The following KISS1R variants were observed in gnomAD, a reference collection of about 807,000 sequenced individuals.
KISS1R encodes the protein KISS1 receptor, also known as kiSS-1 receptor.
Under a neutral mutation model 22.0 loss-of-function variants are expected in KISS1R, and 19 were observed. The ratio of observed to expected loss-of-function variants is 0.86; its 90% CI spans 0.60 to 1.26. KISS1R has a LOEUF of 1.26. Among genes scored for constraint, KISS1R ranks in the 50% most tolerant of loss-of-function variants. KISS1R has a pLI of 0.00. For synonymous variants in KISS1R, 302 were observed against 283.9 expected (o/e 1.06, Z -0.64); for missense variants, 653 against 581.9 (o/e 1.12, Z -1.26).
chr19:920,623 G>A lies in KISS1R; in HGVS notation c.1072G>A (p.Ala358Thr). Reference sequence around the variant, plus strand: ...CCGGCCCGGACCCTCGGACCCCGCAGCCCCACACGCGGAGCTGCTCCGCCT... The same window carrying A: ...CCGGCCCGGACCCTCGGACCCCGCAACCCCACACGCGGAGCTGCTCCGCCT... ...PRRPGPSDPAAPHAELLRLGS... is the reference protein window; with the variant it reads ...PRRPGPSDPATPHAELLRLGS... Residue 358 changes from alanine (A) to threonine (T), a missense_variant, in exon 5 of 5, where the codon GCC (alanine) becomes ACC (threonine). Coordinates refer to ENST00000234371, the MANE Select transcript of KISS1R (RefSeq NM_032551.5). The A allele has an allele frequency of 7.3e-7, 1 of 1,368,774 alleles. No homozygotes were observed. The highest frequency in any genetic ancestry group is 9.3e-7 in the Non-Finnish European group (1 of 1,071,360). 84.8% of individuals were successfully genotyped at this position (1,368,774 alleles called of 1,614,324 possible). A position where few individuals can be genotyped will look rare whatever the true frequency, so the allele number is the denominator to read the frequency against.
chr19:919,968 G>A lies in KISS1R; in HGVS notation c.600G>A (p.Leu200=). The A allele has an allele frequency of 6.4e-7, 1 of 1,570,856 alleles. No homozygotes were observed. Among genetic ancestry groups the A allele is most frequent in the Non-Finnish European group, 8.6e-7 (1 of 1,161,074 alleles). Residue 200 remains leucine (L), a synonymous_variant, in exon 4 of 5, where the codon CTG becomes CTA. Transcript: ENST00000234371. ...GTGAGGCCTTCCCCAGCCGCGCCCT[G>A]GAGCGCGCCTTCGCACTGTACAACC... is the stretch of plus-strand genomic sequence containing the variant. ...YCSEAFPSRA[L]ERAFALYNLL...
Position 919,996 on chromosome 19 carries a change from C to A in KISS1R, c.628C>A (p.Leu210Met). 6.4e-7 allele frequency: 1 copy of A among 1,557,544 alleles called. No homozygotes were observed. The highest frequency in any genetic ancestry group is 8.7e-7 in the Non-Finnish European group (1 of 1,153,824). Reference protein sequence around the residue: ...LERAFALYNLLALYLLPLLAT... With the variant: ...LERAFALYNLMALYLLPLLAT... ...GCGCGCCTTCGCACTGTACAACCTG[C>A]TGGCGCTGTACCTGCTGCCGCTGCT... Residue 210 changes from leucine to methionine, a missense_variant, in exon 4 of 5, where the codon CTG becomes ATG. Leu to Met is a conservative substitution (Grantham distance 15). Coordinates refer to ENST00000234371, the MANE Select transcript of KISS1R (RefSeq NM_032551.5).
At chr19:917,847 C>T (rs2037071417) in intron 1 of KISS1R, 101 bp downstream of exon 1, 1 of 1,370,878 alleles carries the variant, frequency 7.3e-7, no homozygotes, top group Non-Finnish European at 9.7e-7. Context: ...CCTCTCGGAC[C>T]CGGCTCTGTC....
In KISS1R at chr19:918,665, G is replaced by T. The variant is rs902988855; in HGVS notation, c.366G>T (p.Gln122His). 4.5e-6 allele frequency: 7 copies of T among 1,550,526 alleles called. No homozygotes were observed. In the South Asian group the frequency reaches 8.3e-5, roughly 18 times the overall value. Residue 122 changes from glutamine to histidine, a missense_variant, in exon 2 of 5, where the codon CAG (glutamine) becomes CAT (histidine). Gln to His is a conservative substitution (Grantham distance 24). Coordinates refer to ENST00000234371, the MANE Select transcript of KISS1R (RefSeq NM_032551.5). ...TGTGCAAGTTCGTCAACTACATCCAGCAGGTGCGCTCCGGAGCAGGAGGGG... is the reference window on the plus strand; with the variant it reads ...TGTGCAAGTTCGTCAACTACATCCATCAGGTGCGCTCCGGAGCAGGAGGGG... ...DFMCKFVNYI[Q>H]QVSVQATCAT...
At chr19:919,711 G>C in intron 3 of KISS1R, 86 bp downstream of exon 3, 1 of 1,528,582 alleles carries the variant, frequency 6.5e-7, no homozygotes, top group Non-Finnish European at 8.8e-7. Flanking sequence ...CCTCGGTCCA[G>C]CATCTGGAAA....
In KISS1R at chr19:917,520, G is replaced by A. The variant is rs755924784; in HGVS notation, c.18G>A (p.Thr6=). 570 of 1,501,158 alleles carry A rather than the reference G, an allele frequency of 3.8e-4. 2 individuals are homozygous for A. Among genetic ancestry groups the A allele is most frequent in the Admixed American group, 1.1e-4 (5 of 46,932 alleles). The allele number at this position is 1,501,158 out of a possible 1,614,324, so 93.0% of individuals were successfully genotyped here. MHTVA[T]SGPNASWGAP... ...GCGCGGCCATGCACACCGTGGCTAC[G>A]TCCGGACCCAACGCGTCCTGGGGGG... Residue 6 remains threonine (T), a synonymous_variant, in exon 1 of 5, where the codon ACG becomes ACA. Transcript: ENST00000234371.
rs981539568 is a variant in KISS1R, at chr19:920,791, A to T, written c.*43A>T. 2.4e-6 allele frequency: 3 copies of T among 1,248,366 alleles called. No homozygotes were observed. In the African/African-American group the frequency reaches 4.6e-5, roughly 19 times the overall value. 77.3% of individuals were successfully genotyped at this position (1,248,366 alleles called of 1,614,324 possible). ...CCGAGCGGCTCCCTCGGGAGCGGGG[A>T]CTGCTGGAACAGCGGCTATTCTTCT... On this transcript the variant is annotated 3_prime_UTR_variant, in exon 5 of 5. Transcript: ENST00000234371.
intron 2 of KISS1R, 139 bp from the exon 3 acceptor site, chr19:919,351 C>A (rs1341637492): frequency 1.7e-5 from 21 of 1,248,332 alleles, no homozygotes; most frequent in African/African-American, 3.0e-5. Context: ...CCCCTCAACC[C>A]GCACTGGACA....
chr19:920,707 C>A lies in KISS1R; in HGVS notation c.1156C>A (p.Arg386Ser). 7.6e-7 allele frequency: 1 copy of A among 1,308,224 alleles called. No homozygotes were observed. Among genetic ancestry groups the A allele is most frequent in the Non-Finnish European group, 9.7e-7 (1 of 1,029,572 alleles). 81.0% of individuals were successfully genotyped at this position (1,308,224 alleles called of 1,614,324 possible). A position where few individuals can be genotyped will look rare whatever the true frequency, so the allele number is the denominator to read the frequency against. The change falls in exon 5 of 5, where the codon CGC (arginine) becomes AGC (serine). Residue 386 changes from arginine to serine, a missense_variant. Arg to Ser is a moderately radical substitution (Grantham distance 110). Coordinates refer to ENST00000234371, the MANE Select transcript of KISS1R (RefSeq NM_032551.5). ...QKPGSSGLAA[R>S]GLCVLGEDNA... Reference sequence around the variant, plus strand: ...GCCAGGGAGCAGTGGGCTGGCCGCGCGCGGGCTGTGCGTCCTGGGGGAGGA... The same window carrying A: ...GCCAGGGAGCAGTGGGCTGGCCGCGAGCGGGCTGTGCGTCCTGGGGGAGGA...
At chr19:917,788 G>T (rs368729985) in intron 1 of KISS1R, 42 bp downstream of exon 1, 26 of 1,567,528 alleles carry the variant, frequency 1.7e-5, no homozygotes, top group East Asian at 2.4e-5. Flanking sequence ...CGTCCCGGGG[G>T]CTCCGAGGGC....
In KISS1R at chr19:917,581, G is replaced by A. The variant is rs757918057; in HGVS notation, c.79G>A (p.Ala27Thr). Residue 27 changes from alanine (A) to threonine (T), a missense_variant, in exon 1 of 5, where the codon GCC becomes ACC. Transcript: ENST00000234371. The part of the protein sequence containing the change: ...ANASGCPGCG[A>T]NASDGPVPSP... ...CGCCTCCGGCTGCCCGGGCTGTGGC[G>A]CCAACGCCTCGGACGGCCCAGTCCC... 2.6e-6 allele frequency: 4 copies of A among 1,537,832 alleles called. No individual in the cohort carries two copies. The highest frequency in any genetic ancestry group is 2.6e-6 in the Non-Finnish European group (3 of 1,145,804).
At chr19:919,385 T>G in intron 2 of KISS1R, 105 bp from the exon 3 acceptor site, 1 of 1,466,820 alleles carries the variant, frequency 6.8e-7, no homozygotes, top group Non-Finnish European at 9.2e-7. Flanking sequence ...ACTTCCCGTG[T>G]ATGTGCCTGA....
In KISS1R at chr19:917,499, G is replaced by T; in HGVS notation, c.-4G>T. The T allele has an allele frequency of 6.9e-7, 1 of 1,458,640 alleles. No homozygotes were observed. The highest frequency in any genetic ancestry group is 9.0e-7 in the Non-Finnish European group (1 of 1,110,166). 90.4% of individuals were successfully genotyped at this position (1,458,640 alleles called of 1,614,324 possible). A position where few individuals can be genotyped will look rare whatever the true frequency, so the allele number is the denominator to read the frequency against. On this transcript the variant is annotated 5_prime_UTR_variant, in exon 1 of 5. Coordinates refer to ENST00000234371, the MANE Select transcript of KISS1R (RefSeq NM_032551.5). ...GCGGCCGGGAGGAGGAGGTGCGCGC[G>T]GCCATGCACACCGTGGCTACGTCCG...
Position 917,393 on chromosome 19 carries a change from C to G in KISS1R, c.-110C>G, listed in dbSNP as rs1253441344. 8.6e-6 allele frequency: 11 copies of G among 1,280,378 alleles called. No individual in the cohort carries two copies. The highest frequency in any genetic ancestry group is 1.1e-5 in the Non-Finnish European group (11 of 990,946). The allele number at this position is 1,280,378 out of a possible 1,614,324, so 79.3% of individuals were successfully genotyped here. On this transcript the variant is annotated 5_prime_UTR_variant, in exon 1 of 5. Coordinates refer to ENST00000234371, the MANE Select transcript of KISS1R (RefSeq NM_032551.5). ...GACCCTGCGGACCCCAGCCGAGCCCCTTCCTGAGTTCCACAGGCGCAGCCC... is the reference window on the plus strand; with the variant it reads ...GACCCTGCGGACCCCAGCCGAGCCCGTTCCTGAGTTCCACAGGCGCAGCCC...
Position 920,001 on chromosome 19 carries a change from G to A in KISS1R, c.633G>A (p.Ala211=). Residue 211 remains alanine, a synonymous_variant, in exon 4 of 5, where the codon GCG becomes GCA. Coordinates refer to ENST00000234371, the MANE Select transcript of KISS1R (RefSeq NM_032551.5). The stretch of plus-strand genomic sequence containing the variant: ...CCTTCGCACTGTACAACCTGCTGGC[G>A]CTGTACCTGCTGCCGCTGCTCGCCA... ...ERAFALYNLL[A]LYLLPLLATC... The A allele has an allele frequency of 6.4e-7, 1 of 1,550,684 alleles. No individual in the cohort carries two copies. Among genetic ancestry groups the A allele is most frequent in the Non-Finnish European group, 8.7e-7 (1 of 1,150,584 alleles).
At chr19:917,824 G>A (rs1215557917) in intron 1 of KISS1R, 78 bp downstream of exon 1, 1 of 1,483,262 alleles carries the variant, frequency 6.7e-7, no homozygotes, top group Non-Finnish European at 9.0e-7. Flanking sequence ...GCCCTCTCGC[G>A]ACGCATCGGG....
chr19:919,769 G>A, intron 3 of KISS1R, 105 bp from the exon 4 acceptor site: 1 of 1,488,036 alleles, frequency 6.7e-7, no homozygotes, highest in Non-Finnish European at 9.1e-7. Context: ...GCTGCAGACG[G>A]GGCGCCCGGG....
At chr19:919,284 G>A (rs1465970487) in intron 2 of KISS1R, among the ~76,000 whole-genome samples, 1 of 152,040 alleles carries the variant, frequency 6.6e-6, no homozygotes, top group Non-Finnish European at 1.5e-5. Context: ...GCCCCCCAAG[G>A]GCTCCCTCAC....
intron 2 of KISS1R, among the ~76,000 whole-genome samples, chr19:918,906 G>C (rs1437791164): frequency 7.3e-6 from 1 of 136,072 alleles, no homozygotes; most frequent in East Asian, 2.2e-4. Context: ...GCGCATGGTG[G>C]GGCGGGGCAG....
Sources: allele counts gnomAD v4.1 joint callset (sites outside exome capture counted in the v4.1 genomes callset), GRCh38; gene constraint gnomAD v4.1.1; transcripts MANE v1.5; gene names NCBI Gene and HGNC (gene_info 2026-07-23, HGNC 2026-07-21).